Variants in MCM2 observed in about 807,000 individuals in gnomAD.
The protein encoded by MCM2 is minichromosome maintenance complex component 2.
Under a neutral mutation model 86.4 loss-of-function variants are expected in MCM2, and 49 were observed. The ratio of observed to expected loss-of-function variants is 0.57; its 90% CI spans 0.45 to 0.72. The LOEUF (loss-of-function observed/expected upper bound fraction) is 0.72. Among genes scored for constraint, MCM2 ranks in the 30% least tolerant of loss-of-function variants. The pLI is 0.00. For synonymous variants in MCM2, 475 were observed against 484.6 expected (o/e 0.98, Z 0.26); for missense variants, 1,038 against 1,259.9 (o/e 0.82, Z 2.67).
Position 127,620,731 on chromosome 3 carries a change from A to T in MCM2, c.2299A>T (p.Ile767Phe), listed in dbSNP as rs760252800. 12 of 1,609,902 alleles carry T rather than the reference A, an allele frequency of 7.5e-6. No individual in the cohort carries two copies. Among genetic ancestry groups the T allele is most frequent in the Non-Finnish European group, 1.0e-5 (12 of 1,176,842 alleles). ...TGSIPITVRHIESMIRMAEAH... is the reference protein window; with the variant it reads ...TGSIPITVRHFESMIRMAEAH... ...CAGCATCCCCATTACGGTGCGGCACATCGAGTCCATGATCCGCATGGCGGA... is the reference window on the plus strand; with the variant it reads ...CAGCATCCCCATTACGGTGCGGCACTTCGAGTCCATGATCCGCATGGCGGA... The change falls in exon 14 of 16, where the codon ATC becomes TTC. Residue 767 changes from isoleucine to phenylalanine, a missense_variant. By Grantham distance (21) the Ile-to-Phe change is conservative. Coordinates refer to ENST00000265056, the MANE Select transcript of MCM2 (RefSeq NM_004526.4).
intron 8 of MCM2, among the ~76,000 whole-genome samples, chr3:127,613,927 C>T (rs2074416336): frequency 1.3e-5 from 2 of 152,316 alleles, no homozygotes; most frequent in East Asian, 3.9e-4. Flanking sequence ...AGTGAGAGCC[C>T]AGAGGGGGCC....
intron 8 of MCM2, among the ~76,000 whole-genome samples, chr3:127,609,498 A>G (rs1576415601): frequency 1.3e-5 from 2 of 151,634 alleles, no homozygotes; most frequent in South Asian, 4.1e-4. Context: ...TGTGATGGAG[A>G]TGGGGTCTCA....
Position 127,621,933 on chromosome 3 carries a change from TTC to T in MCM2, c.*163_*164del. On this transcript the variant is annotated 3_prime_UTR_variant, in exon 16 of 16. Transcript: ENST00000265056. ...GGCTGCACCTGGCATGACTGTTTGT[TTC>T]TCCAAGCCTGCTTTGTGCTTCTCAC... The T allele has an allele frequency of 1.7e-6, 1 of 581,644 alleles. No homozygotes were observed. Among genetic ancestry groups the T allele is most frequent in the Non-Finnish European group, 3.1e-6 (1 of 327,768 alleles). 36.0% of individuals were successfully genotyped at this position (581,644 alleles called of 1,614,324 possible). A position where few individuals can be genotyped will look rare whatever the true frequency, so the allele number is the denominator to read the frequency against.
intron 8 of MCM2, chr3:127,611,045 A>G (rs566601497): frequency 2.3e-6 from 1 of 442,150 alleles, no homozygotes; most frequent in African/African-American, 2.0e-5. Context: ...GGTTCCCAAT[A>G]ATAGGAAATA....
rs746260708 is a variant in MCM2 at position 127,605,032 on chromosome 3, C to T, written c.549C>T (p.Arg183=). The change falls in exon 4 of 16, where the codon CGC becomes CGT. Residue 183 remains arginine, a synonymous_variant. Coordinates refer to ENST00000265056, the MANE Select transcript of MCM2 (RefSeq NM_004526.4). ...NLEDLKGHSV[R]EWVSMAGPRL... is the part of the protein sequence containing the mutation. ...AGGATCTCAAAGGCCACTCTGTGCG[C>T]GAGTGGGTGAGCATGGCGGGCCCCC... 23 of 1,613,992 alleles carry T rather than the reference C, an allele frequency of 1.4e-5. No individual in the cohort carries two copies. The highest frequency in any genetic ancestry group is 1.8e-5 in the Non-Finnish European group (21 of 1,179,988).
chr3:127,606,464 G>A lies in MCM2; in HGVS notation c.893+127G>A. Reference sequence around the variant, plus strand: ...CCAGCAGCATCCTCATCGCAGGTGAGTTGTGGTTGCACAGGAGTGTGATGG... The same window carrying A: ...CCAGCAGCATCCTCATCGCAGGTGAATTGTGGTTGCACAGGAGTGTGATGG... On this transcript the variant is annotated intron_variant, in intron 5 of 15. Transcript: ENST00000265056. The surrounding 1 kb of genome is among the most constrained non-coding windows in gnomAD (Gnocchi z 4.2). 1 of 1,182,154 alleles carries A rather than the reference G, an allele frequency of 8.5e-7. No homozygotes were observed. 73.2% of individuals were successfully genotyped at this position (1,182,154 alleles called of 1,614,324 possible). A position where few individuals can be genotyped will look rare whatever the true frequency, so the allele number is the denominator to read the frequency against.
chr3:127,601,753 A>G (rs1450705160), intron 2 of MCM2, among the ~76,000 whole-genome samples: 1 of 152,180 alleles, frequency 6.6e-6, no homozygotes, highest in Non-Finnish European at 1.5e-5. Context: ...CTTTTGAGGA[A>G]CTGCCAGACT....
intron 15 of MCM2, 53 bp downstream of exon 15, chr3:127,621,281 C>A: frequency 6.2e-7 from 1 of 1,602,840 alleles, no homozygotes; most frequent in South Asian, 1.1e-5. Flanking sequence ...TGGGAGCTGC[C>A]AGTCTCCTGA....
At chr3:127,601,012 C>A (rs577257540) in intron 2 of MCM2, among the ~76,000 whole-genome samples, 1 of 152,234 alleles carries the variant, frequency 6.6e-6, no homozygotes, top group South Asian at 2.1e-4. Flanking sequence ...AGAACAGGGC[C>A]GTTTTCCCAT....
In MCM2 at chr3:127,606,076, C is replaced by CT; in HGVS notation, c.674-41dup. The CT allele has an allele frequency of 3.3e-6, 5 of 1,513,374 alleles. No individual in the cohort carries two copies. The highest frequency in any genetic ancestry group is 4.6e-6 in the Non-Finnish European group (5 of 1,089,126). 93.7% of individuals were successfully genotyped at this position (1,513,374 alleles called of 1,614,324 possible). On this transcript the variant is annotated intron_variant, in intron 4 of 15. Transcript: ENST00000265056. The surrounding 1 kb of genome is among the most constrained non-coding windows in gnomAD (Gnocchi z 4.2). ...GGCATTGTTGCAGCCCAGCCCAGGC[C>CT]TCATGCTTAGTTAACTCTCTTCCCA...
chr3:127,612,121 T>C (rs2074403250), intron 8 of MCM2, among the ~76,000 whole-genome samples: 1 of 152,264 alleles, frequency 6.6e-6, no homozygotes, highest in African/African-American at 2.4e-5. Context: ...GCTGGCTCTG[T>C]GTTCCTCTCT....
rs774773972 is a variant in MCM2, at chr3:127,598,488, C to T, written c.6+16C>T. On this transcript the variant is annotated intron_variant, in intron 1 of 15. Transcript: ENST00000265056. ...TGCTATGGCGGTGAGCGCGCTGGCG[C>T]GTGGCGGGCGGGCGCCGGGGACATG... 6.2e-7 allele frequency: 1 copy of T among 1,612,182 alleles called. No individual in the cohort carries two copies. Among genetic ancestry groups the T allele is most frequent in the Admixed American group, 1.7e-5 (1 of 59,924 alleles).
At chr3:127,610,637 T>C (rs1428358022) in intron 8 of MCM2, 1 of 380,574 alleles carries the variant, frequency 2.6e-6, no homozygotes, top group Non-Finnish European at 5.2e-6. Flanking sequence ...GTAGGCAGGG[T>C]AGTTTTGTGT....
intron 9 of MCM2, 89 bp from the exon 10 acceptor site, chr3:127,616,779 A>C (rs1338471701): frequency 1.4e-6 from 2 of 1,398,088 alleles, no homozygotes; most frequent in African/African-American, 1.4e-5. Context: ...CCTAACAAGT[A>C]GGTTGAGGAA....
At chr3:127,605,386 A>G (rs970175066) in intron 4 of MCM2, among the ~76,000 whole-genome samples, 5 of 149,940 alleles carry the variant, frequency 3.3e-5, no homozygotes, top group East Asian at 2.0e-4. Context: ...GACAGATTTT[A>G]TATAAAAATC....
chr3:127,604,014 C>A (rs1382473944), intron 2 of MCM2, among the ~76,000 whole-genome samples: 1 of 152,170 alleles, frequency 6.6e-6, no homozygotes, highest in African/African-American at 2.4e-5. Flanking sequence ...TTCTTGAACT[C>A]CTGGGCTCAA....
chr3:127,608,781 G>A (rs2074369991), intron 7 of MCM2, 51 bp from the exon 8 acceptor site: 2 of 1,580,060 alleles, frequency 1.3e-6, no homozygotes, highest in East Asian at 2.2e-5. Context: ...CAGCACGGAG[G>A]TGGGCACCCC....
At chr3:127,608,024 C>G (rs1409319372) in intron 6 of MCM2, among the ~76,000 whole-genome samples, 2 of 152,162 alleles carry the variant, frequency 1.3e-5, no homozygotes, top group Admixed American at 6.5e-5. Flanking sequence ...TGCTTTAATT[C>G]TTATTGTGAG....
intron 2 of MCM2, among the ~76,000 whole-genome samples, chr3:127,603,156 G>A (rs1037394645): frequency 2.6e-5 from 4 of 151,446 alleles, no homozygotes; most frequent in East Asian, 1.9e-4. Flanking sequence ...GCCCACCACC[G>A]CGCCCAAGTA....
Sources: gnomAD v4.1 joint callset for allele counts (sites outside exome capture counted in the v4.1 genomes callset) on GRCh38, gnomAD v4.1.1 for gene constraint, Gnocchi (gnomAD v3.1) non-coding constraint, MANE v1.5 for transcripts, NCBI Gene and HGNC (gene_info 2026-07-23, HGNC 2026-07-21) for gene names.